The following LUC7L2 variants were observed in gnomAD, a reference collection of about 807,000 sequenced individuals.
The protein encoded by LUC7L2 is LUC7 like 2, pre-mRNA splicing factor.
Under a neutral mutation model 52.8 loss-of-function variants are expected in LUC7L2, and 25 were observed. The ratio of observed to expected loss-of-function variants is 0.47; its 90% CI spans 0.34 to 0.66. The LOEUF (loss-of-function observed/expected upper bound fraction) is 0.66. LUC7L2 is among the 30% of genes least tolerant of loss of function. The pLI, the probability that LUC7L2 is intolerant of heterozygous loss-of-function variation, is 0.01. For synonymous variants in LUC7L2, 144 were observed against 160.9 expected (o/e 0.89, Z 0.80); for missense variants, 328 against 497.8 (o/e 0.66, Z 3.25).
At chr7:139,411,699 G>T (rs1266348509) in intron 7 of LUC7L2, among the ~76,000 whole-genome samples, 4 of 152,092 alleles carry the variant, frequency 2.6e-5, no homozygotes, top group South Asian at 2.1e-4. Flanking sequence ...CGTTACCTGT[G>T]TGCTAGGAAA....
chr7:139,401,464 A>AT (rs948534877), intron 3 of LUC7L2, among the ~76,000 whole-genome samples: 16 of 151,584 alleles, frequency 1.1e-4, no homozygotes, highest in South Asian at 4.2e-4. Flanking sequence ...TCCTCAAGTG[A>AT]TTTTTTTTGA....
At chr7:139,415,663 T>C (rs1795562317) in intron 8 of LUC7L2, among the ~76,000 whole-genome samples, 1 of 150,130 alleles carries the variant, frequency 6.7e-6, no homozygotes, top group African/African-American at 2.5e-5. Flanking sequence ...CAGCTAATTT[T>C]TAAAAATTTA....
At chr7:139,393,712 C>A (rs1173244858) in intron 2 of LUC7L2, among the ~76,000 whole-genome samples, 1 of 152,126 alleles carries the variant, frequency 6.6e-6, no homozygotes, top group African/African-American at 2.4e-5. Flanking sequence ...TCCCAAGGTG[C>A]TGGGATTTCA....
chr7:139,381,035 G>A (rs1348352145), intron 2 of LUC7L2, among the ~76,000 whole-genome samples: 2 of 152,090 alleles, frequency 1.3e-5, no homozygotes, highest in African/African-American at 4.8e-5. Flanking sequence ...TTTTATGATA[G>A]CCCTCATCAT....
At chr7:139,369,106 T>G (rs900830845) in intron 1 of LUC7L2, among the ~76,000 whole-genome samples, 1 of 152,210 alleles carries the variant, frequency 6.6e-6, no homozygotes, top group Non-Finnish European at 1.5e-5. Context: ...AGCCAGTTAC[T>G]TTTTCTTTGA....
intron 3 of LUC7L2, among the ~76,000 whole-genome samples, chr7:139,401,755 T>C (rs1216746712): frequency 1.1e-5 from 1 of 87,904 alleles, no homozygotes; most frequent in Non-Finnish European, 2.5e-5. Flanking sequence ...GCCCAGCTTC[T>C]TTTTTTTTTT....
Position 139,422,240 on chromosome 7 carries a change from G to A in LUC7L2, c.1079G>A (p.Arg360His), listed in dbSNP as rs1031545654. 14 of 1,614,082 alleles carry A rather than the reference G, an allele frequency of 8.7e-6. No individual in the cohort carries two copies. Among genetic ancestry groups the A allele is most frequent in the Non-Finnish European group, 1.2e-5 (14 of 1,180,042 alleles). ...AGGAGTTCAAGAGACAGATCACCTC[G>A]TGACAGAGATCGGAAAGATAAGAAG... ...RDRSSRDRSPRDRDRKDKKRS... is the reference protein window; with the variant it reads ...RDRSSRDRSPHDRDRKDKKRS... Residue 360 changes from arginine (R) to histidine (H), a missense_variant, in exon 10 of 10, where the codon CGT (arginine) becomes CAT (histidine). Physicochemically the swap from Arg to His is conservative, Grantham distance 29. Around this residue, in one of 2 missense-constraint regions of LUC7L2, gnomAD observed 195 missense variants for 223.3 expected, o/e 0.87. Transcript: ENST00000354926.
chr7:139,400,786 A>G (rs536338734), intron 3 of LUC7L2, among the ~76,000 whole-genome samples: 56 of 152,294 alleles, frequency 3.7e-4, no homozygotes, highest in African/African-American at 1.3e-3. Context: ...TTATCTTTAC[A>G]TAAGGAAATT....
rs1415861523 is a variant in LUC7L2, at chr7:139,340,696, A to C, written c.-26+179A>C. 3 of 392,428 alleles carry C rather than the reference A, an allele frequency of 7.6e-6. No individual in the cohort carries two copies. The East Asian group carries it at 1.1e-4, about 14-fold the overall frequency. 24.3% of individuals were successfully genotyped at this position (392,428 alleles called of 1,614,324 possible). ...TATGTTGTGTGAGCGCGTCGTTTGC[A>C]GAAGCCCCAGTGGCCTAATGGATAA... On this transcript the variant is annotated intron_variant, in intron 1 of 10. Coordinates refer to the LUC7L2 transcript ENST00000541170.
At chr7:139,376,824 T>G (rs983880352) in intron 2 of LUC7L2, among the ~76,000 whole-genome samples, 1 of 152,154 alleles carries the variant, frequency 6.6e-6, no homozygotes, top group Admixed American at 6.6e-5. Flanking sequence ...CTGATGCTGG[T>G]GGGGAGCTAG....
At position 139,374,673 on chromosome 7, in the gene LUC7L2, A is replaced by G. The variant is rs574604296; in HGVS notation, c.62-1389A>G. ...ATTGTTGAACTGCTCTGAAGCTATC[A>G]TTTTAACTATAAATTACTGTTGTTA... is the stretch of plus-strand genomic sequence containing the variant. On this transcript the variant is annotated intron_variant, in intron 1 of 9. Coordinates refer to ENST00000354926, the MANE Select transcript of LUC7L2 (RefSeq NM_016019.5). 1.7e-5 allele frequency: 22 copies of G among 1,312,220 alleles called. No homozygotes were observed. The South Asian group carries it at 4.4e-4, about 26-fold the overall frequency. 81.3% of individuals were successfully genotyped at this position (1,312,220 alleles called of 1,614,324 possible). A position where few individuals can be genotyped will look rare whatever the true frequency, so the allele number is the denominator to read the frequency against.
At chr7:139,415,187 C>T (rs1351150257) in intron 8 of LUC7L2, among the ~76,000 whole-genome samples, 1 of 148,132 alleles carries the variant, frequency 6.8e-6, no homozygotes, top group Non-Finnish European at 1.5e-5. Flanking sequence ...GTTGGGATTA[C>T]AGGCATGAGT....
intron 2 of LUC7L2, among the ~76,000 whole-genome samples, chr7:139,382,285 A>C (rs1801072435): frequency 6.6e-6 from 1 of 152,196 alleles, no homozygotes; most frequent in Admixed American, 6.6e-5. Flanking sequence ...TAAGCCTCCC[A>C]AAAAGAACCA....
At chr7:139,357,697 T>A (rs892567863), upstream of LUC7L2, among the ~76,000 whole-genome samples, 2 of 148,246 alleles carry the variant, frequency 1.3e-5, no homozygotes, top group African/African-American at 2.5e-5. Flanking sequence ...TCAAAATAAT[T>A]TTTTTTTTTT....
chr7:139,342,968 T>G (rs1799070234), intron 1 of LUC7L2, among the ~76,000 whole-genome samples: 1 of 152,218 alleles, frequency 6.6e-6, no homozygotes, highest in African/African-American at 2.4e-5. Flanking sequence ...ATTTTCTCTA[T>G]CCTTTCCCTC....
intron 1 of LUC7L2, among the ~76,000 whole-genome samples, chr7:139,369,993 A>T (rs1378963122): frequency 6.6e-6 from 1 of 152,212 alleles, no homozygotes; most frequent in East Asian, 1.9e-4. Context: ...GCAGACTGTC[A>T]TAATTGTTTT....
At chr7:139,385,069 A>AGTTGAGG (rs1204856668) in intron 2 of LUC7L2, among the ~76,000 whole-genome samples, 1 of 152,126 alleles carries the variant, frequency 6.6e-6, no homozygotes, top group African/African-American at 2.4e-5. Flanking sequence ...GTTTGTTTCT[A>AGTTGAGG]GTTGAGGGTT....
intron 2 of LUC7L2, among the ~76,000 whole-genome samples, chr7:139,389,083 G>GTTTA (rs1794321289): frequency 6.7e-6 from 1 of 149,152 alleles, no homozygotes; most frequent in Admixed American, 6.7e-5. Flanking sequence ...CGGCACTCTG[G>GTTTA]TTTACCTCTG....
At chr7:139,370,677 A>G (rs149004226) in intron 1 of LUC7L2, among the ~76,000 whole-genome samples, 1 of 151,932 alleles carries the variant, frequency 6.6e-6, no homozygotes, top group East Asian at 1.9e-4. Flanking sequence ...CTGGCCTTGA[A>G]CTCCTGACCG....
Sources: gnomAD v4.1 joint callset for allele counts (sites outside exome capture counted in the v4.1 genomes callset) on GRCh38, gnomAD v4.1.1 for gene constraint, gnomAD v4.1.1 regional missense constraint, MANE v1.5 for transcripts, NCBI Gene and HGNC (gene_info 2026-07-23, HGNC 2026-07-21) for gene names.